The following OTOG variants were observed in gnomAD, a reference collection of about 807,000 sequenced individuals.
OTOG encodes otogelin.
A neutral mutation model predicts 313.8 loss-of-function variants in OTOG; 296 were observed. That is an observed-to-expected ratio of 0.94 (90% CI 0.86 to 1.04). OTOG has a LOEUF of 1.04. Among genes scored for constraint, OTOG ranks in the 50% least tolerant of loss-of-function variants. The pLI, the probability that OTOG is intolerant of heterozygous loss-of-function variation, is 0.00. For synonymous variants in OTOG, 1,533 were observed against 1,554.9 expected (o/e 0.99, Z 0.33); for missense variants, 3,948 against 3,840.1 (o/e 1.03, Z -0.74).
intron 23 of OTOG, among the ~76,000 whole-genome samples, chr11:17,584,643 A>C (rs1852752360): frequency 6.6e-6 from 1 of 152,184 alleles, no homozygotes; most frequent in Non-Finnish European, 1.5e-5. Flanking sequence ...TTTATGCCTA[A>C]ATCTCCAGAG....
chr11:17,639,541 C>T, intron 49 of OTOG, 78 bp downstream of exon 49: 2 of 1,450,816 alleles, frequency 1.4e-6, no homozygotes, highest in Non-Finnish European at 1.9e-6. Flanking sequence ...TCTAGAGAAT[C>T]TGCTCCTTTA....
rs920409548 is a variant in OTOG at position 17,645,777 on chromosome 11, T to C, written c.8575T>C (p.Ser2859Pro). The C allele has an allele frequency of 8.4e-6, 13 of 1,550,778 alleles. No individual in the cohort carries two copies. Among genetic ancestry groups the C allele is most frequent in the Non-Finnish European group, 1.1e-5 (13 of 1,147,072 alleles). ...AGTGTCCTGCGATGGGAGGTGCCCA[T>C]CCGCCAGCATCTACAACTACAACAT... ...NLVSCDGRCPSASIYNYNINT... is the reference protein window; with the variant it reads ...NLVSCDGRCPPASIYNYNINT... Residue 2859 changes from serine (S) to proline (P), a missense_variant, in exon 56 of 56, where the codon TCC (serine) becomes CCC (proline). Ser to Pro is a moderately conservative substitution (Grantham distance 74). Transcript: ENST00000399397.
rs1007369140 is a variant in OTOG at position 17,559,096 on chromosome 11, A to G, written c.1148A>G (p.Tyr383Cys). Residue 383 changes from tyrosine (Y) to cysteine (C), a missense_variant, in exon 11 of 56, where the codon TAT becomes TGT. Transcript: ENST00000399397. ...ACCTGGTGCCGGGCACTGGCGGAGT[A>G]TGCCCGGGCGTGTGCCCAGGCAGGG... The part of the protein sequence containing the change: ...VATWCRALAE[Y>C]ARACAQAGRP... 15 of 1,546,412 alleles carry G rather than the reference A, an allele frequency of 9.7e-6. No homozygotes were observed. The Admixed American group carries it at 2.5e-4, about 26-fold the overall frequency.
In OTOG at chr11:17,593,680, A is replaced by G; in HGVS notation, c.3212A>G (p.His1071Arg). The G allele has an allele frequency of 2.6e-6, 4 of 1,549,040 alleles. No individual in the cohort carries two copies. The highest frequency in any genetic ancestry group is 1.2e-5 in the South Asian group (1 of 83,988). ...CGAGTGGGATTTTTCACACTGGTGC[A>G]TTTCCCACAGGAGCACATCACCCTC... ...TWRVGFFTLV[H>R]FPQEHITLLW... The change falls in exon 27 of 56, where the codon CAT becomes CGT. Residue 1071 changes from histidine (H) to arginine (R), a missense_variant. Coordinates refer to ENST00000399397, the MANE Select transcript of OTOG (RefSeq NM_001292063.2).
At chr11:17,582,241 T>C (rs1003674040) in intron 23 of OTOG, among the ~76,000 whole-genome samples, 1 of 152,146 alleles carries the variant, frequency 6.6e-6, no homozygotes, top group Non-Finnish European at 1.5e-5. Context: ...ACTGGCCGGC[T>C]TTTTGTCACT....
chr11:17,593,106 C>T (rs1040704691), intron 25 of OTOG, 87 bp from the exon 26 acceptor site: 1 of 1,338,556 alleles, frequency 7.5e-7, no homozygotes, highest in African/African-American at 1.5e-5. Context: ...GAAAGCCACT[C>T]CAGAGAGCGT....
intron 48 of OTOG, chr11:17,638,786 A>G (rs1288978079): frequency 3.3e-6 from 5 of 1,512,342 alleles, no homozygotes; most frequent in Non-Finnish European, 4.4e-6. Flanking sequence ...CATTCCAAAG[A>G]GGGTTTCCGT....
intron 24 of OTOG, among the ~76,000 whole-genome samples, chr11:17,588,725 A>G (rs189931067): frequency 6.6e-6 from 1 of 152,124 alleles, no homozygotes; most frequent in East Asian, 1.9e-4. Context: ...TGCTTCTAGT[A>G]TCTCCCGACA....
chr11:17,634,264 G>T lies in OTOG; in HGVS notation c.7463G>T (p.Cys2488Phe), dbSNP rs1166255488. The stretch of plus-strand genomic sequence containing the variant: ...CTCCTACCCACCAAGGACCCCTGCT[G>T]CCTGGGGACTGTCTGTGGTGAGTGT... ...ALLLPTKDPC[C>F]LGTVCVCNQT... Residue 2488 changes from cysteine (C) to phenylalanine (F), a missense_variant, in exon 44 of 56, where the codon TGC becomes TTC. Coordinates refer to ENST00000399397, the MANE Select transcript of OTOG (RefSeq NM_001292063.2). 3 of 1,550,402 alleles carry T rather than the reference G, an allele frequency of 1.9e-6. No individual in the cohort carries two copies. Among genetic ancestry groups the T allele is most frequent in the South Asian group, 2.4e-5 (2 of 84,048 alleles).
intron 47 of OTOG, among the ~76,000 whole-genome samples, chr11:17,635,991 C>T (rs1158960174): frequency 6.6e-6 from 1 of 152,200 alleles, no homozygotes; most frequent in African/African-American, 2.4e-5. Flanking sequence ...TTGGGTCCCT[C>T]CATCCCCCAC....
chr11:17,642,325 T>C (rs1847994187), intron 53 of OTOG, 79 bp downstream of exon 53: 17 of 1,448,268 alleles, frequency 1.2e-5, no homozygotes, highest in Admixed American at 2.4e-5. Context: ...AGGTCCTGTG[T>C]GCAGGAGTGC....
intron 36 of OTOG, 137 bp from the exon 37 acceptor site, chr11:17,612,025 G>A (rs1023754345): frequency 5.6e-5 from 59 of 1,051,480 alleles, no homozygotes; most frequent in Non-Finnish European, 8.0e-5. Flanking sequence ...GGTGGGTAGG[G>A]GGTGAGGGCC....
intron 29 of OTOG, 99 bp downstream of exon 29, chr11:17,596,253 C>T (rs1853103575): frequency 1.1e-6 from 1 of 875,010 alleles, no homozygotes; most frequent in Non-Finnish European, 1.8e-6. Flanking sequence ...GGAGACAGCT[C>T]AGATCTCCAG....
intron 31 of OTOG, 68 bp from the exon 32 acceptor site, chr11:17,602,142 T>A: frequency 6.6e-7 from 1 of 1,512,294 alleles, no homozygotes; most frequent in East Asian, 2.5e-5. Context: ...TGCCAAGGGG[T>A]GGGGCAGGAG....
rs1245596594 is a variant in OTOG at position 17,593,754 on chromosome 11, C to A, written c.3286C>A (p.Gln1096Lys). 7 of 1,547,892 alleles carry A rather than the reference C, an allele frequency of 4.5e-6. No individual in the cohort carries two copies. The East Asian group carries it at 1.7e-4, about 38-fold the overall frequency. The part of the protein sequence containing the change: ...TVHVQAGPQW[Q>K]GQLAGLCGNF... ...GCACGTCCAGGCTGGGCCTCAGTGG[C>A]AGGTACTTACATGAGCAGTGACATT... Residue 1096 changes from glutamine (Q) to lysine (K), a missense_variant and splice_region_variant, in exon 27 of 56, where the codon CAG becomes AAG. Transcript: ENST00000399397.
At chr11:17,643,638 G>A in intron 54 of OTOG, 132 bp downstream of exon 54, 1 of 572,558 alleles carries the variant, frequency 1.7e-6, no homozygotes, top group Non-Finnish European at 2.7e-6. Context: ...AGTAGATGAA[G>A]GGATAACACC....
Position 17,561,663 on chromosome 11 carries a change from T to C in OTOG, c.1500T>C (p.Ala500=). ...KWECSTAVCP[A]ECSVTGDIHF... is the part of the protein sequence containing the mutation. ...CAGTGGCCTTTTTCTACCTCTCAGCTGAGTGCTCAGTGACTGGTGACATTC... is the reference window on the plus strand; with the variant it reads ...CAGTGGCCTTTTTCTACCTCTCAGCCGAGTGCTCAGTGACTGGTGACATTC... The change falls in exon 15 of 56, where the codon GCT becomes GCC. Residue 500 remains alanine, a splice_region_variant and synonymous_variant. Transcript: ENST00000399397. 6.4e-7 allele frequency: 1 copy of C among 1,550,580 alleles called. No individual in the cohort carries two copies. The highest frequency in any genetic ancestry group is 2.4e-5 in the East Asian group (1 of 40,904).
chr11:17,634,878 C>T lies in OTOG; in HGVS notation c.7515C>T (p.Pro2505=), dbSNP rs1186414498. The T allele has an allele frequency of 6.5e-7, 1 of 1,549,122 alleles. No individual in the cohort carries two copies. The highest frequency in any genetic ancestry group is 8.7e-7 in the Non-Finnish European group (1 of 1,146,726). Residue 2505 remains proline, a synonymous_variant, in exon 45 of 56, where the codon CCC becomes CCT. Transcript: ENST00000399397. The part of the protein sequence containing the change: ...CNQTLCEGLA[P]TCRPGHRLLT... ...AGACTCTGTGTGAGGGTCTCGCCCC[C>T]ACATGCCGCCCAGGCCACCGCCTCC... is the stretch of plus-strand genomic sequence containing the variant.
chr11:17,600,007 C>T (rs751369869), intron 31 of OTOG, among the ~76,000 whole-genome samples: 38 of 152,238 alleles, frequency 2.5e-4, no homozygotes, highest in Admixed American at 2.2e-3. Flanking sequence ...CCAGCTCCTC[C>T]GCCTTCATAA....
Sources: allele counts gnomAD v4.1 joint callset (sites outside exome capture counted in the v4.1 genomes callset), GRCh38; gene constraint gnomAD v4.1.1; transcripts MANE v1.5; gene names NCBI Gene and HGNC (gene_info 2026-07-23, HGNC 2026-07-21).